Variants in LSAMP observed in about 807,000 individuals in gnomAD.
The protein encoded by LSAMP is limbic system associated membrane protein, also known as limbic system-associated membrane protein.
A neutral mutation model predicts 38.6 loss-of-function variants in LSAMP; 7 were observed. The observed-to-expected ratio is 0.18, with a 90% CI of 0.10 to 0.34. The LOEUF (loss-of-function observed/expected upper bound fraction) is 0.34. Ranked by LOEUF, LSAMP falls within the 10% of genes least tolerant of loss-of-function variation. LSAMP has a pLI of 1.00. For missense variants in LSAMP, 313 were observed against 420.0 expected (o/e 0.75, Z 2.23); for synonymous variants, 154 against 166.8 (o/e 0.92, Z 0.59).
At chr3:116,019,823 C>A (rs1159176137) in intron 2 of LSAMP, among the ~76,000 whole-genome samples, 183 bp from the exon 3 acceptor site, 1 of 152,126 alleles carries the variant, frequency 6.6e-6, no homozygotes, top group Non-Finnish European at 1.5e-5. Flanking sequence ...TGTCCTAAAG[C>A]ACTACTATAA....
Position 115,809,306 on chromosome 3 carries a change from A to G in LSAMP, c.*1011T>C, listed in dbSNP as rs147112868. ...ACTCGGTTCTGATGATGGGACTAGG[A>G]GGAATATGGGGTCCTGCCCTTGGAA... On this transcript the variant is annotated 3_prime_UTR_variant, in exon 7 of 7. Coordinates refer to ENST00000490035, the MANE Select transcript of LSAMP (RefSeq NM_002338.5). 1 of 152,162 alleles carries G rather than the reference A, an allele frequency of 6.6e-6. No homozygotes were observed. Among genetic ancestry groups the G allele is most frequent in the East Asian group, 1.9e-4 (1 of 5,186 alleles). The allele number at this position is 152,162 out of a possible 1,614,324, so 9.4% of individuals were successfully genotyped here. A position where few individuals can be genotyped will look rare whatever the true frequency, so the allele number is the denominator to read the frequency against.
At chr3:116,180,360 ATTTTTTTATCCCAGATT>A (rs1345952044) in intron 1 of LSAMP, among the ~76,000 whole-genome samples, 1 of 114,404 alleles carries the variant, frequency 8.7e-6, no homozygotes, top group African/African-American at 3.1e-5. Context: ...GAAGATTTGG[ATTTTTTTATCCCAGATT>A]TTTTTTTTTT....
At chr3:116,094,438 T>C (rs1231615548) in intron 1 of LSAMP, among the ~76,000 whole-genome samples, 1 of 152,214 alleles carries the variant, frequency 6.6e-6, no homozygotes, top group Non-Finnish European at 1.5e-5. Flanking sequence ...TAATCTTAGT[T>C]TGGTAATGGT....
chr3:115,831,160 G>T (rs1169371889), intron 6 of LSAMP, among the ~76,000 whole-genome samples: 1 of 152,144 alleles, frequency 6.6e-6, no homozygotes, highest in African/African-American at 2.4e-5. Context: ...AACAAACCTG[G>T]TGCCATGCCT....
chr3:116,370,033 A>G (rs1340010552), intron 1 of LSAMP: 4 of 152,620 alleles, frequency 2.6e-5, no homozygotes, highest in East Asian at 1.9e-4. Flanking sequence ...TGGCAACCCT[A>G]GCAAACTAAT....
chr3:116,028,726 T>G (rs1940850081), intron 2 of LSAMP, among the ~76,000 whole-genome samples: 1 of 152,124 alleles, frequency 6.6e-6, no homozygotes, highest in Non-Finnish European at 1.5e-5. Flanking sequence ...TAGGATAACA[T>G]GGTAAAATAG....
intron 1 of LSAMP, among the ~76,000 whole-genome samples, chr3:116,095,794 C>G (rs1708214014): frequency 6.6e-6 from 1 of 152,144 alleles, no homozygotes; most frequent in Non-Finnish European, 1.5e-5. Context: ...AAAAATAAAT[C>G]ATTCTCTTCT....
intron 1 of LSAMP, among the ~76,000 whole-genome samples, chr3:116,416,030 A>T (rs1321806075): frequency 6.6e-6 from 1 of 152,204 alleles, no homozygotes; most frequent in East Asian, 1.9e-4. Flanking sequence ...TCTAACATAG[A>T]AATAATACAT....
At chr3:116,129,708 G>A (rs1486293479) in intron 1 of LSAMP, among the ~76,000 whole-genome samples, 5 of 152,230 alleles carry the variant, frequency 3.3e-5, no homozygotes, top group Non-Finnish European at 1.5e-5. Context: ...CATTTGGCTT[G>A]GTCAGTGGAA....
chr3:115,984,337 A>G (rs1171043632), intron 3 of LSAMP, among the ~76,000 whole-genome samples: 3 of 152,186 alleles, frequency 2.0e-5, no homozygotes, highest in Admixed American at 6.5e-5. Flanking sequence ...TCCTTCAAAG[A>G]GTTAGATATA....
At chr3:116,180,737 C>T (rs1180850155) in intron 1 of LSAMP, among the ~76,000 whole-genome samples, 2 of 152,048 alleles carry the variant, frequency 1.3e-5, no homozygotes, top group Non-Finnish European at 2.9e-5. Flanking sequence ...GGCAAAGCAA[C>T]CAGCATAATA....
At chr3:116,015,950 C>T (rs944630882) in intron 3 of LSAMP, among the ~76,000 whole-genome samples, 2 of 152,070 alleles carry the variant, frequency 1.3e-5, no homozygotes, top group African/African-American at 4.8e-5. Flanking sequence ...AGGTATATTT[C>T]CTTTGCAAGA....
chr3:116,412,640 T>A (rs2048994966), intron 1 of LSAMP, among the ~76,000 whole-genome samples: 1 of 152,124 alleles, frequency 6.6e-6, no homozygotes, highest in African/African-American at 2.4e-5. Context: ...CGAAGAAAGC[T>A]GTCACATCAA....
chr3:115,989,044 G>A (rs1007701135), intron 3 of LSAMP, among the ~76,000 whole-genome samples: 1 of 152,056 alleles, frequency 6.6e-6, no homozygotes, highest in African/African-American at 2.4e-5. Context: ...ATTTCTTAAA[G>A]GGCATTCAAT....
At chr3:116,109,921 G>A (rs1007831076) in intron 1 of LSAMP, among the ~76,000 whole-genome samples, 2 of 151,680 alleles carry the variant, frequency 1.3e-5, no homozygotes, top group Admixed American at 6.6e-5. Context: ...AAGAGGATGG[G>A]GTGCGGAAAT....
intron 3 of LSAMP, among the ~76,000 whole-genome samples, chr3:115,985,219 C>T (rs1939475829): frequency 6.6e-6 from 1 of 152,034 alleles, no homozygotes; most frequent in Non-Finnish European, 1.5e-5. Flanking sequence ...TATTAAATAT[C>T]CTAGCTAATA....
intron 1 of LSAMP, among the ~76,000 whole-genome samples, chr3:116,440,932 C>T (rs1035718435): frequency 1.3e-5 from 2 of 152,170 alleles, no homozygotes; most frequent in East Asian, 3.8e-4. Flanking sequence ...AGGGTTGACA[C>T]TTCATTAGTG....
intron 1 of LSAMP, among the ~76,000 whole-genome samples, chr3:116,265,614 C>T (rs1169659531): frequency 6.6e-6 from 1 of 152,158 alleles, no homozygotes; most frequent in Non-Finnish European, 1.5e-5. Flanking sequence ...CGCCTTGTCT[C>T]ACACTAATGG....
At chr3:115,934,977 G>C (rs1937649001) in intron 3 of LSAMP, among the ~76,000 whole-genome samples, 1 of 151,694 alleles carries the variant, frequency 6.6e-6, no homozygotes, top group Non-Finnish European at 1.5e-5. Context: ...TTTCAAAATT[G>C]AGTACTAAAT....
Sources: gnomAD v4.1 joint callset for allele counts (sites outside exome capture counted in the v4.1 genomes callset) on GRCh38, gnomAD v4.1.1 for gene constraint, MANE v1.5 for transcripts, NCBI Gene and HGNC (gene_info 2026-07-23, HGNC 2026-07-21) for gene names.